The following SDK1 variants were observed in gnomAD, a reference collection of about 807,000 sequenced individuals.
The protein encoded by SDK1 is sidekick cell adhesion molecule 1.
SDK1 carries 157 observed loss-of-function variants against 245.5 expected under a neutral mutation model. The ratio of observed to expected loss-of-function variants is 0.64; its 90% CI spans 0.56 to 0.73. The LOEUF is 0.73. SDK1 is among the 30% of genes least tolerant of loss of function. The pLI, the probability that SDK1 is intolerant of heterozygous loss-of-function variation, is 0.00. For synonymous variants in SDK1, 1,647 were observed against 1,278.5 expected, an observed-to-expected ratio of 1.29 and a Z score of -6.15; for missense variants, 3,583 against 3,002.3, an observed-to-expected ratio of 1.19 and a Z score of -4.52.
chr7:3,447,456 C>T (rs970783509), intron 1 of SDK1, among the ~76,000 whole-genome samples: 1 of 152,004 alleles, frequency 6.6e-6, no homozygotes, highest in South Asian at 2.1e-4. Context: ...TGTTGGACTT[C>T]AATAATAATA....
rs370780253 is a variant in SDK1, at chr7:3,898,973, C to G, written c.848-51950C>G. ...TCATAAATTCTAAGTTAATGGTTTC[C>G]CAATTCTATAGTAAGGTGAAACAGT... On this transcript the variant is annotated intron_variant, in intron 5 of 44. Coordinates refer to ENST00000404826, the MANE Select transcript of SDK1 (RefSeq NM_152744.4). Among the ~76,000 whole-genome samples, 3 of 152,200 alleles carry G rather than the reference C, an allele frequency of 2.0e-5. No homozygotes were observed. The East Asian group carries it at 5.8e-4, about 29-fold the overall frequency.
At chr7:3,936,570 G>C (rs1041279564) in intron 5 of SDK1, among the ~76,000 whole-genome samples, 1 of 145,010 alleles carries the variant, frequency 6.9e-6, no homozygotes, top group African/African-American at 2.7e-5. Flanking sequence ...GTGTGACAGA[G>C]CAAGACTCCA....
chr7:3,950,204 C>T (rs1166338813), intron 5 of SDK1, among the ~76,000 whole-genome samples: 1 of 152,244 alleles, frequency 6.6e-6, no homozygotes, highest in Non-Finnish European at 1.5e-5. Flanking sequence ...CCTGAGGACA[C>T]TGGCTGTGCT....
At chr7:3,435,033 A>G (rs1291706628) in intron 1 of SDK1, among the ~76,000 whole-genome samples, 1 of 152,206 alleles carries the variant, frequency 6.6e-6, no homozygotes, top group Non-Finnish European at 1.5e-5. Flanking sequence ...AATAAGATAC[A>G]AAGTTATATC....
At chr7:3,650,962 T>A (rs1782995596) in intron 4 of SDK1, among the ~76,000 whole-genome samples, 1 of 152,078 alleles carries the variant, frequency 6.6e-6, no homozygotes, top group South Asian at 2.1e-4. Flanking sequence ...ATTCACCTGT[T>A]GAAAGCAATC....
chr7:3,341,182 A>T (rs1475354579), intron 1 of SDK1, among the ~76,000 whole-genome samples: 1 of 152,210 alleles, frequency 6.6e-6, no homozygotes, highest in African/African-American at 2.4e-5. Context: ...ACCAAATGAG[A>T]TTTATGCCAG....
chr7:4,097,235 C>CTCACCTGGG (rs1782210087), intron 22 of SDK1, among the ~76,000 whole-genome samples: 1 of 108,054 alleles, frequency 9.3e-6, no homozygotes, highest in Admixed American at 8.5e-5. Flanking sequence ...GGGTGAGGGG[C>CTCACCTGGG]TCACCTGGGT....
At chr7:4,078,653 T>C (rs1028419877) in intron 21 of SDK1, among the ~76,000 whole-genome samples, 43 of 152,182 alleles carry the variant, frequency 2.8e-4, no homozygotes, top group African/African-American at 9.9e-4. Flanking sequence ...CTTATCTTTC[T>C]CTAGAGTATT....
At chr7:3,803,294 C>T (rs1488019935) in intron 4 of SDK1, among the ~76,000 whole-genome samples, 1 of 146,738 alleles carries the variant, frequency 6.8e-6, no homozygotes, top group East Asian at 1.9e-4. Context: ...CTTTTCTTTT[C>T]TTTTCTTTCT....
chr7:3,807,260 A>C, intron 4 of SDK1, among the ~76,000 whole-genome samples: 1 of 152,188 alleles, frequency 6.6e-6, no homozygotes, highest in Non-Finnish European at 1.5e-5. Flanking sequence ...CCTCCAGAAC[A>C]GTCCCAAAGA....
At chr7:3,344,719 G>A (rs975173481) in intron 1 of SDK1, among the ~76,000 whole-genome samples, 3 of 152,198 alleles carry the variant, frequency 2.0e-5, no homozygotes, top group East Asian at 1.9e-4. Flanking sequence ...TCAATCAGAT[G>A]GGCCTGAGCC....
At chr7:3,835,562 C>T (rs1011463828) in intron 5 of SDK1, among the ~76,000 whole-genome samples, 4 of 152,144 alleles carry the variant, frequency 2.6e-5, no homozygotes, top group African/African-American at 7.2e-5. Context: ...CTCTCACCCC[C>T]CTTCTATGTT....
chr7:3,398,730 T>G (rs34731314), intron 1 of SDK1, among the ~76,000 whole-genome samples: 45 of 150,404 alleles, frequency 3.0e-4, no homozygotes, highest in African/African-American at 1.1e-3. Flanking sequence ...GTAAAACTTA[T>G]GAAAGTGTAT....
At position 3,592,287 on chromosome 7, in the gene SDK1, A is replaced by T. The variant is rs986910234; in HGVS notation, c.299-26793A>T. Reference sequence around the variant, plus strand: ...ATCGTAAAAGATTATGTGCCATTTAAAAATATAATTGCCGTTTCTCCCCTC... The same window carrying T: ...ATCGTAAAAGATTATGTGCCATTTATAAATATAATTGCCGTTTCTCCCCTC... On this transcript the variant is annotated intron_variant, in intron 1 of 44. Coordinates refer to ENST00000404826, the MANE Select transcript of SDK1 (RefSeq NM_152744.4). 1.1e-4 allele frequency among the ~76,000 whole-genome samples: 17 copies of T among 152,328 alleles called. No individual in the cohort carries two copies. The South Asian group carries it at 1.7e-3, about 15-fold the overall frequency.
chr7:3,641,635 G>A (rs1220836503), intron 3 of SDK1, among the ~76,000 whole-genome samples: 4 of 152,240 alleles, frequency 2.6e-5, no homozygotes, highest in South Asian at 2.1e-4. Context: ...ACTGCTTCAC[G>A]TGGCTCTAGG....
At chr7:3,705,678 TATGTGACC>T in intron 4 of SDK1, among the ~76,000 whole-genome samples, 1 of 152,064 alleles carries the variant, frequency 6.6e-6, no homozygotes, top group Non-Finnish European at 1.5e-5. Context: ...GTTTTCTAGT[TATGTGACC>T]ATGGCATTGG....
chr7:3,549,747 G>T (rs1583154444), intron 1 of SDK1, among the ~76,000 whole-genome samples: 1 of 152,116 alleles, frequency 6.6e-6, no homozygotes, highest in African/African-American at 2.4e-5. Context: ...TCTATAAACA[G>T]CTTTATTAAT....
intron 27 of SDK1, among the ~76,000 whole-genome samples, chr7:4,131,021 T>C (rs1784777633): frequency 6.6e-6 from 1 of 152,172 alleles, no homozygotes; most frequent in South Asian, 2.1e-4. Context: ...ACGGGAACCC[T>C]GCAGAAGGCT....
chr7:3,931,911 T>C (rs765689680), intron 5 of SDK1, among the ~76,000 whole-genome samples: 41 of 152,234 alleles, frequency 2.7e-4, no homozygotes, highest in Non-Finnish European at 5.0e-4. Flanking sequence ...TTGGATTTTC[T>C]ATAAATTTGC....
Sources: gnomAD v4.1 joint callset for allele counts (sites outside exome capture counted in the v4.1 genomes callset) on GRCh38, gnomAD v4.1.1 for gene constraint, MANE v1.5 for transcripts, NCBI Gene and HGNC (gene_info 2026-07-23, HGNC 2026-07-21) for gene names.